The following EEF1E1 variants were observed in gnomAD, a reference collection of about 807,000 sequenced individuals.
EEF1E1 encodes eukaryotic translation elongation factor 1 epsilon 1.
A neutral mutation model predicts 19.9 loss-of-function variants in EEF1E1; 19 were observed. That is an observed-to-expected ratio of 0.95 (90% CI 0.66 to 1.40). The LOEUF is 1.40. Among genes scored for constraint, EEF1E1 ranks in the 40% most tolerant of loss-of-function variants. The probability of loss-of-function intolerance (pLI) is 0.00; values close to 1 mark genes in which losing one functional copy is unlikely to be tolerated. For synonymous variants in EEF1E1, 81 were observed against 80.0 expected, an observed-to-expected ratio of 1.01 and a Z score of -0.07; for missense variants, 198 against 202.2, an observed-to-expected ratio of 0.98 and a Z score of 0.13.
chr6:8,087,350 T>C (rs1415593839), intron 3 of EEF1E1, among the ~76,000 whole-genome samples: 1 of 152,230 alleles, frequency 6.6e-6, no homozygotes, highest in East Asian at 1.9e-4. Flanking sequence ...CTGGAGTAGC[T>C]GGGATTTCAG....
chr6:8,074,915 C>T (rs1455786226), downstream of EEF1E1, among the ~76,000 whole-genome samples: 3 of 152,132 alleles, frequency 2.0e-5, no homozygotes, highest in African/African-American at 4.8e-5. Flanking sequence ...CAGGAAGAAG[C>T]GGGAAGAGGG....
intron 2 of EEF1E1, 122 bp from the exon 3 acceptor site, chr6:8,090,403 T>C (rs985297650): frequency 1.4e-6 from 1 of 701,546 alleles, no homozygotes; most frequent in East Asian, 3.4e-5. Context: ...TTTAATAAAT[T>C]TACTCTTTGA....
downstream of EEF1E1, chr6:8,078,630 C>A: frequency 8.3e-7 from 1 of 1,200,672 alleles, no homozygotes; most frequent in South Asian, 1.5e-5. Flanking sequence ...TGAGGCATGC[C>A]TGTGCCCACA....
intron 2 of EEF1E1, chr6:8,095,531 A>C (rs1758147697): frequency 5.2e-6 from 1 of 192,842 alleles, no homozygotes; most frequent in Non-Finnish European, 1.1e-5. Context: ...AAAACAAAAC[A>C]AAACCAACAG....
rs1561646156 is a variant in EEF1E1, at chr6:8,099,754, ACACAC to A, written c.88-2292_88-2288del. On this transcript the variant is annotated intron_variant, in intron 1 of 3. Transcript: ENST00000379715. ...AAGAGTGAAGCTCCGCCTCAAAAACACACACACACACACACACACACACACACACA... is the reference window on the plus strand; with the variant it reads ...AAGAGTGAAGCTCCGCCTCAAAAACAACACACACACACACACACACACACA... Among the ~76,000 whole-genome samples, 533 of 93,932 alleles carry A rather than the reference ACACAC, an allele frequency of 5.7e-3. 8 individuals are homozygous for A. The highest frequency in any genetic ancestry group is 0.025 in the African/African-American group (495 of 19,814). 61.6% of individuals were successfully genotyped at this position (93,932 alleles called of 152,430 possible).
intron 2 of EEF1E1, chr6:8,095,569 T>G (rs1758149916): frequency 5.5e-6 from 1 of 183,478 alleles, no homozygotes; most frequent in South Asian, 7.6e-5. Flanking sequence ...GTGCCTGTTT[T>G]TTTTTTTTTT....
At chr6:8,102,055 T>G in intron 1 of EEF1E1, 1 of 1,173,576 alleles carries the variant, frequency 8.5e-7, no homozygotes, top group Non-Finnish European at 1.1e-6. Context: ...ACGGAGTCGC[T>G]GCGCAATAAC....
chr6:8,086,771 T>C (rs1209145221), intron 3 of EEF1E1, among the ~76,000 whole-genome samples: 1 of 152,188 alleles, frequency 6.6e-6, no homozygotes, highest in East Asian at 1.9e-4. Flanking sequence ...TTGAAAAGCA[T>C]AGAGAAATAC....
chr6:8,081,797 C>G (rs1212284036), intron 3 of EEF1E1, among the ~76,000 whole-genome samples: 7 of 152,160 alleles, frequency 4.6e-5, no homozygotes, highest in Admixed American at 3.9e-4. Flanking sequence ...ATAGTTAAAG[C>G]AAACAGATGT....
downstream of EEF1E1, among the ~76,000 whole-genome samples, chr6:8,077,648 C>T (rs1329564077): frequency 6.6e-6 from 1 of 152,162 alleles, no homozygotes; most frequent in Non-Finnish European, 1.5e-5. Context: ...TTCATAGAAT[C>T]GAAGAGAGTT....
At chr6:8,077,734 C>A (rs574140107), downstream of EEF1E1, among the ~76,000 whole-genome samples, 2 of 152,208 alleles carry the variant, frequency 1.3e-5, no homozygotes, top group Admixed American at 6.5e-5. Context: ...TTTCTCCCTA[C>A]CAGCAATAAG....
intron 3 of EEF1E1, among the ~76,000 whole-genome samples, chr6:8,087,733 C>T (rs1004402147): frequency 2.0e-5 from 3 of 152,196 alleles, no homozygotes; most frequent in Admixed American, 2.0e-4. Flanking sequence ...CTCTTACAGT[C>T]CATCCTCTTT....
downstream of EEF1E1, among the ~76,000 whole-genome samples, chr6:8,079,158 A>C (rs1370223823): frequency 6.6e-6 from 1 of 152,228 alleles, no homozygotes; most frequent in Admixed American, 6.5e-5. Context: ...TCTAGTAATT[A>C]AAAATTCAAA....
At chr6:8,093,319 GCTTCCT>G (rs1022542808) in intron 2 of EEF1E1, among the ~76,000 whole-genome samples, 1 of 115,900 alleles carries the variant, frequency 8.6e-6, no homozygotes, top group African/African-American at 3.3e-5. Flanking sequence ...TCTGACATTC[GCTTCCT>G]TTTTTTTTTT....
chr6:8,073,635 A>G, intron 3 of EEF1E1: 1 of 1,334,704 alleles, frequency 7.5e-7, no homozygotes, highest in Non-Finnish European at 1.0e-6. Context: ...CAGATATTTT[A>G]AAAAGTATTA....
intron 2 of EEF1E1, among the ~76,000 whole-genome samples, chr6:8,093,584 T>C (rs1053307761): frequency 6.6e-6 from 1 of 152,166 alleles, no homozygotes; most frequent in African/African-American, 2.4e-5. Context: ...ATTGTGGTTT[T>C]ATGGTTTTAC....
intron 2 of EEF1E1, chr6:8,095,560 T>G (rs1581472999): frequency 6.4e-6 from 1 of 156,512 alleles, no homozygotes; most frequent in South Asian, 9.6e-5. Context: ...GCCCAGTAGG[T>G]GCCTGTTTTT....
intron 2 of EEF1E1, among the ~76,000 whole-genome samples, chr6:8,094,449 A>T (rs1265653980): frequency 6.6e-6 from 1 of 151,856 alleles, no homozygotes; most frequent in Non-Finnish European, 1.5e-5. Context: ...ATACAAAAAA[A>T]ATTAGCTGGG....
At chr6:8,092,400 G>A (rs1465723886) in intron 2 of EEF1E1, among the ~76,000 whole-genome samples, 4 of 152,186 alleles carry the variant, frequency 2.6e-5, no homozygotes, top group Non-Finnish European at 5.9e-5. Context: ...TGAAGATAAT[G>A]ATGAAGACCT....
Sources: gnomAD v4.1 joint callset for allele counts (sites outside exome capture counted in the v4.1 genomes callset) on GRCh38, gnomAD v4.1.1 for gene constraint, MANE v1.5 for transcripts, NCBI Gene and HGNC (gene_info 2026-07-23, HGNC 2026-07-21) for gene names.